The following CD109 variants were observed in gnomAD, a reference collection of about 807,000 sequenced individuals.
The protein encoded by CD109 is CD109 antigen.
A neutral mutation model predicts 165.8 loss-of-function variants in CD109; 149 were observed. That is an observed-to-expected ratio of 0.90 (90% CI 0.79 to 1.03). The LOEUF (loss-of-function observed/expected upper bound fraction) is 1.03. Ranked by LOEUF, CD109 falls within the 50% of genes least tolerant of loss-of-function variation. The probability of loss-of-function intolerance (pLI) is 0.00; values close to 1 mark genes in which losing one functional copy is unlikely to be tolerated. For missense variants in CD109, 1,712 were observed against 1,677.8 expected (o/e 1.02, Z -0.36); for synonymous variants, 585 against 592.1 (o/e 0.99, Z 0.18).
chr6:73,697,434 A>G lies in CD109; in HGVS notation c.109A>G (p.Arg37Gly). Residue 37 changes from arginine (R) to glycine (G), a missense_variant, in exon 2 of 33, where the codon AGG (arginine) becomes GGG (glycine). Coordinates refer to ENST00000287097, the MANE Select transcript of CD109 (RefSeq NM_133493.5). ...TCTGGTGACAGCCCCAGGGATCATC[A>G]GGCCCGGAGGAAATGTGACTATTGG... ...RFLVTAPGII[R>G]PGGNVTIGVE... is the part of the protein sequence containing the mutation. 1 of 1,614,114 alleles carries G rather than the reference A, an allele frequency of 6.2e-7. No individual in the cohort carries two copies. Among genetic ancestry groups the G allele is most frequent in the Non-Finnish European group, 8.5e-7 (1 of 1,180,004 alleles).
intron 10 of CD109, among the ~76,000 whole-genome samples, chr6:73,764,844 G>A (rs1167323360): frequency 6.6e-6 from 1 of 150,426 alleles, no homozygotes; most frequent in Non-Finnish European, 1.5e-5. Context: ...CAACTAAAAC[G>A]ACAAAGAAAG....
chr6:73,697,649 T>C, intron 2 of CD109, 77 bp downstream of exon 2: 1 of 1,347,064 alleles, frequency 7.4e-7, no homozygotes, highest in Non-Finnish European at 1.0e-6. Flanking sequence ...TGTTAGGTAG[T>C]ATAGCAGAGA....
intron 23 of CD109, among the ~76,000 whole-genome samples, chr6:73,798,654 A>G (rs1775255588): frequency 6.6e-6 from 1 of 152,136 alleles, no homozygotes. Flanking sequence ...AATTCACTGC[A>G]AAACTGGTGA....
chr6:73,820,825 A>G (rs1267172268), intron 32 of CD109, among the ~76,000 whole-genome samples: 2 of 152,200 alleles, frequency 1.3e-5, no homozygotes, highest in Non-Finnish European at 2.9e-5. Context: ...TTAACTCACA[A>G]TTATAAACTT....
chr6:73,683,875 T>C, the CD109 span, among the ~76,000 whole-genome samples: 3 of 152,002 alleles, frequency 2.0e-5, no homozygotes, highest in South Asian at 6.4e-4. Context: ...TCACTATCAT[T>C]AGAACAGCAT....
chr6:73,790,370 A>G (rs1774879342), intron 22 of CD109, among the ~76,000 whole-genome samples: 3 of 152,236 alleles, frequency 2.0e-5, no homozygotes, highest in African/African-American at 7.2e-5. Context: ...TGCCAGGATT[A>G]CAGGCATGAG....
intron 3 of CD109, among the ~76,000 whole-genome samples, chr6:73,729,969 C>T (rs1772298931): frequency 6.6e-6 from 1 of 152,196 alleles, no homozygotes; most frequent in Non-Finnish European, 1.5e-5. Flanking sequence ...AAGAGCCTTT[C>T]ATCAGCTGAC....
rs1774482149 is a variant in CD109 at position 73,781,241 on chromosome 6, A to G, written c.1903-18A>G. 1 of 1,598,490 alleles carries G rather than the reference A, an allele frequency of 6.3e-7. No individual in the cohort carries two copies. The highest frequency in any genetic ancestry group is 8.6e-7 in the Non-Finnish European group (1 of 1,166,986). On this transcript the variant is annotated intron_variant, in intron 16 of 32. Transcript: ENST00000287097. ...TTAAACTTGTGTTTTAAAAGAAAAT[A>G]AAAATTATTCTTTTTAGGAATGTGG...
At position 73,782,854 on chromosome 6, in the gene CD109, TAACTAAG is replaced by T. The variant is rs1249283158; in HGVS notation, c.2105+107_2105+113del. 3 of 1,169,798 alleles carry T rather than the reference TAACTAAG, an allele frequency of 2.6e-6. No homozygotes were observed. The East Asian group carries it at 7.1e-5, about 28-fold the overall frequency. 72.5% of individuals were successfully genotyped at this position (1,169,798 alleles called of 1,614,324 possible). ...CTAATGTTTAAGTACAAACATAGTGTAACTAAGAACTAAGTAGACCAAAAGGATTTTT... is the reference window on the plus strand; with the variant it reads ...CTAATGTTTAAGTACAAACATAGTGTAACTAAGTAGACCAAAAGGATTTTT... On this transcript the variant is annotated intron_variant, in intron 18 of 32. Transcript: ENST00000287097.
Position 73,825,514 on chromosome 6 carries a change from T to C in CD109, c.*1881T>C, listed in dbSNP as rs953738625. 15 of 152,200 alleles carry C rather than the reference T, an allele frequency of 9.9e-5. No individual in the cohort carries two copies. Among genetic ancestry groups the C allele is most frequent in the African/African-American group, 3.6e-4 (15 of 41,456 alleles). 9.4% of individuals were successfully genotyped at this position (152,200 alleles called of 1,614,324 possible). A position where few individuals can be genotyped will look rare whatever the true frequency, so the allele number is the denominator to read the frequency against. On this transcript the variant is annotated 3_prime_UTR_variant, in exon 33 of 33. Coordinates refer to ENST00000287097, the MANE Select transcript of CD109 (RefSeq NM_133493.5). Reference sequence around the variant, plus strand: ...AACCTTATACTGACAATCAATACTTTATATTTTAAAGTATATAATTTATAG... The same window carrying C: ...AACCTTATACTGACAATCAATACTTCATATTTTAAAGTATATAATTTATAG...
chr6:73,764,860 A>G (rs1025004262), intron 10 of CD109, among the ~76,000 whole-genome samples: 2 of 150,504 alleles, frequency 1.3e-5, no homozygotes, highest in Non-Finnish European at 3.0e-5. Flanking sequence ...GAAAGAATGG[A>G]GGGGTCACTT....
Position 73,823,700 on chromosome 6 carries a change from G to A in CD109, c.*67G>A, listed in dbSNP as rs542331042. 959 of 1,415,612 alleles carry A rather than the reference G, an allele frequency of 6.8e-4. No individual in the cohort carries two copies. Among genetic ancestry groups the A allele is most frequent in the Non-Finnish European group, 8.0e-4 (829 of 1,038,532 alleles). 87.7% of individuals were successfully genotyped at this position (1,415,612 alleles called of 1,614,324 possible). ...AGTCACATGTGATTGTTTTGTTTTCGTAGAAGAATACTGCTTCTATTTTGA... is the reference window on the plus strand; with the variant it reads ...AGTCACATGTGATTGTTTTGTTTTCATAGAAGAATACTGCTTCTATTTTGA... On this transcript the variant is annotated 3_prime_UTR_variant, in exon 33 of 33. Transcript: ENST00000287097.
intron 2 of CD109, among the ~76,000 whole-genome samples, chr6:73,713,350 A>T (rs1771604145): frequency 6.6e-6 from 1 of 152,092 alleles, no homozygotes; most frequent in Non-Finnish European, 1.5e-5. Context: ...TCCAGCAAGA[A>T]ATAGGGGTGG....
At chr6:73,811,340 TG>T (rs768557427) in intron 28 of CD109, among the ~76,000 whole-genome samples, 193 bp downstream of exon 28, 65 of 152,044 alleles carry the variant, frequency 4.3e-4, no homozygotes, top group Non-Finnish European at 7.9e-4. Flanking sequence ...GAAAGATTGG[TG>T]GAACAGGAGA....
At chr6:73,697,167 C>T (rs138519816) in intron 1 of CD109, among the ~76,000 whole-genome samples, 4 of 152,330 alleles carry the variant, frequency 2.6e-5, no homozygotes, top group African/African-American at 9.6e-5. Flanking sequence ...TAACACAGGC[C>T]TTCCTCTAGT....
the CD109 span, among the ~76,000 whole-genome samples, chr6:73,688,800 CCTT>C: frequency 6.0e-4 from 67 of 112,210 alleles, no homozygotes; most frequent in Admixed American, 1.0e-3. Context: ...GACAGGGTCT[CCTT>C]CTGTCACTCA....
At position 73,792,703 on chromosome 6, in the gene CD109, A is replaced by G; in HGVS notation, c.2779A>G (p.Ile927Val). The change falls in exon 23 of 33, where the codon ATA (isoleucine) becomes GTA (valine). Residue 927 changes from isoleucine (I) to valine (V), a missense_variant. Coordinates refer to ENST00000287097, the MANE Select transcript of CD109 (RefSeq NM_133493.5). ...MPYGCGEQNM[I>V]NFAPNIYILD... Reference sequence around the variant, plus strand: ...TTATGGCTGTGGTGAACAGAACATGATAAATTTTGCTCCAAATATTTACAT... The same window carrying G: ...TTATGGCTGTGGTGAACAGAACATGGTAAATTTTGCTCCAAATATTTACAT... 1 of 1,613,276 alleles carries G rather than the reference A, an allele frequency of 6.2e-7. No homozygotes were observed. The highest frequency in any genetic ancestry group is 1.3e-5 in the African/African-American group (1 of 75,062).
intron 15 of CD109, among the ~76,000 whole-genome samples, chr6:73,778,158 T>C (rs11965649): frequency 0.033 from 4,955 of 152,276 alleles, 279 homozygotes; most frequent in African/African-American, 0.11. Flanking sequence ...GTATTTTATC[T>C]TTCTGTGGCA....
chr6:73,791,958 A>G lies in CD109; in HGVS notation c.2702-668A>G, dbSNP rs1774987984. 2.0e-5 allele frequency among the ~76,000 whole-genome samples: 3 copies of G among 152,294 alleles called. No individual in the cohort carries two copies. In the South Asian group the frequency reaches 6.2e-4, roughly 32 times the overall value. On this transcript the variant is annotated intron_variant, in intron 22 of 32. Coordinates refer to ENST00000287097, the MANE Select transcript of CD109 (RefSeq NM_133493.5). ...ATACTCTTATCTATACAGCTTAACAATGGCAGGGCCAAAATTAGAACTCAG... is the reference window on the plus strand; with the variant it reads ...ATACTCTTATCTATACAGCTTAACAGTGGCAGGGCCAAAATTAGAACTCAG...
Sources: gnomAD v4.1 joint callset for allele counts (sites outside exome capture counted in the v4.1 genomes callset) on GRCh38, gnomAD v4.1.1 for gene constraint, MANE v1.5 for transcripts, NCBI Gene and HGNC (gene_info 2026-07-23, HGNC 2026-07-21) for gene names.